The following CHD2 variants were observed in gnomAD, a reference collection of about 807,000 sequenced individuals.
CHD2 encodes the protein ATP-dependent chromatin remodeler CHD2.
A neutral mutation model predicts 243.9 loss-of-function variants in CHD2; 28 were observed. That is an observed-to-expected ratio of 0.11 (90% CI 0.09 to 0.16). CHD2 has a LOEUF of 0.16. Ranked by LOEUF, CHD2 falls within the 10% of genes least tolerant of loss-of-function variation. The pLI is 1.00. For missense variants in CHD2, 1,386 were observed against 2,209.8 expected, an observed-to-expected ratio of 0.63 and a Z score of 7.47; for synonymous variants, 775 against 779.0, an observed-to-expected ratio of 0.99 and a Z score of 0.09.
intron 8 of CHD2, among the ~76,000 whole-genome samples, chr15:92,942,355 A>G (rs144158189): frequency 1.9e-4 from 29 of 151,948 alleles, no homozygotes; most frequent in Non-Finnish European, 4.0e-4. Context: ...ATTAAAGTAA[A>G]CTTTCTGTAA....
intron 25 of CHD2, 96 bp from the exon 26 acceptor site, chr15:92,985,402 T>C: frequency 7.8e-7 from 1 of 1,280,698 alleles, no homozygotes; most frequent in African/African-American, 1.5e-5. Flanking sequence ...GGTGAGAAGT[T>C]CTGAATACTA....
At chr15:92,960,686 A>G (rs187604509) in intron 16 of CHD2, among the ~76,000 whole-genome samples, 1,161 of 78,684 alleles carry the variant, frequency 0.015, 53 homozygotes, top group Admixed American at 0.11. Context: ...TTTGTTAAAG[A>G]TTTTTGCATC....
chr15:92,943,203 C>T, intron 9 of CHD2, 135 bp downstream of exon 9: 2 of 673,620 alleles, frequency 3.0e-6, no homozygotes, highest in South Asian at 1.9e-5. Context: ...GAGCCATTTA[C>T]AATTCTATTT....
chr15:92,980,210 A>C (rs2053960894), intron 22 of CHD2, among the ~76,000 whole-genome samples: 2 of 122,078 alleles, frequency 1.6e-5, no homozygotes, highest in South Asian at 3.2e-4. Flanking sequence ...ACACCTAGCT[A>C]ATTTTTTTTT....
At chr15:92,904,380 C>G (rs1026959965) in intron 2 of CHD2, 57 of 924,836 alleles carry the variant, frequency 6.2e-5, no homozygotes, top group Non-Finnish European at 7.4e-5. Flanking sequence ...GCCTCCGCCC[C>G]GTGACGTCAG....
intron 2 of CHD2, chr15:92,902,495 G>A (rs2052542925): frequency 4.1e-6 from 1 of 244,362 alleles, no homozygotes; most frequent in South Asian, 1.8e-4. Flanking sequence ...TAGTGAATTT[G>A]AAAGTTTTGA....
chr15:92,945,707 T>G (rs2053456205), intron 10 of CHD2, 114 bp from the exon 11 acceptor site: 1 of 626,792 alleles, frequency 1.6e-6, no homozygotes, highest in South Asian at 3.0e-5. Context: ...TTTTTTTTTT[T>G]TCTTTTTTAA....
intron 5 of CHD2, among the ~76,000 whole-genome samples, chr15:92,936,312 T>C (rs2053266554): frequency 6.6e-6 from 1 of 152,236 alleles, no homozygotes; most frequent in African/African-American, 2.4e-5. Flanking sequence ...TTGTCTTTAG[T>C]ATGACCTCAT....
At chr15:92,954,624 T>G (rs1448629191) in intron 14 of CHD2, among the ~76,000 whole-genome samples, 1 of 152,166 alleles carries the variant, frequency 6.6e-6, no homozygotes. Flanking sequence ...AAAGAGAAAT[T>G]TATAGGTTTA....
intron 9 of CHD2, 90 bp from the exon 10 acceptor site, chr15:92,944,325 T>A (rs2053429278): frequency 1.6e-6 from 1 of 634,560 alleles, no homozygotes; most frequent in South Asian, 2.5e-5. Context: ...AAAAAATAGG[T>A]TTTCTTTTCC....
At chr15:92,915,036 ACT>A (rs2052808010) in intron 2 of CHD2, 1 of 151,914 alleles carries the variant, frequency 6.6e-6, no homozygotes, top group Admixed American at 6.6e-5. Context: ...AACATGAGTG[ACT>A]CTATTTTGGT....
rs187581449 is a variant in CHD2 at position 92,973,264 on chromosome 15, T to C, written c.2505+847T>C. Among the ~76,000 whole-genome samples the C allele has an allele frequency of 1.4e-4, 22 of 152,322 alleles. No homozygotes were observed. The East Asian group carries it at 3.7e-3, about 25-fold the overall frequency. ...TGGAGTTACTGTCTTCACACAGTTA[T>C]CTCCTATGGGGAAAATTTCTTCCGC... On this transcript the variant is annotated intron_variant, in intron 19 of 38. Coordinates refer to ENST00000394196, the MANE Select transcript of CHD2 (RefSeq NM_001271.4).
rs925313206 is a variant in CHD2, at chr15:93,003,669, C to T, written c.4279-948C>T. On this transcript the variant is annotated intron_variant, in intron 33 of 38. Transcript: ENST00000394196. Reference sequence around the variant, plus strand: ...ATGACTGATACTGTTGAAGCTGCCCCCTGTTCCCTTTCCCTGATTTTATTA... The same window carrying T: ...ATGACTGATACTGTTGAAGCTGCCCTCTGTTCCCTTTCCCTGATTTTATTA... Among the ~76,000 whole-genome samples the T allele has an allele frequency of 5.3e-5, 8 of 151,660 alleles. No homozygotes were observed. In the East Asian group the frequency reaches 1.2e-3, roughly 22 times the overall value.
At chr15:93,019,055 A>T (rs1291792171) in intron 37 of CHD2, among the ~76,000 whole-genome samples, 1 of 152,228 alleles carries the variant, frequency 6.6e-6, no homozygotes, top group Non-Finnish European at 1.5e-5. Flanking sequence ...AAGGCTACAG[A>T]AGTTAAAAGG....
chr15:92,971,895 A>T lies in CHD2; in HGVS notation c.2320A>T (p.Asn774Tyr), dbSNP rs1435211090. The T allele has an allele frequency of 6.2e-6, 10 of 1,612,446 alleles. No individual in the cohort carries two copies. The highest frequency in any genetic ancestry group is 8.5e-6 in the Non-Finnish European group (10 of 1,179,488). ...HCYLIKPPEE[N>Y]ERENGQEILL... ...CTATCTGATTAAACCCCCTGAAGAA[A>T]ATGAAAGGGAAAATGGACAGGAGAT... Residue 774 changes from asparagine (N) to tyrosine (Y), a missense_variant, in exon 18 of 39, where the codon AAT becomes TAT. Coordinates refer to ENST00000394196, the MANE Select transcript of CHD2 (RefSeq NM_001271.4).
intron 33 of CHD2, among the ~76,000 whole-genome samples, chr15:93,003,193 G>A (rs2054278640): frequency 6.6e-6 from 1 of 151,806 alleles, no homozygotes; most frequent in Non-Finnish European, 1.5e-5. Flanking sequence ...GCAGAGGTGA[G>A]AGGATTGCTT....
chr15:92,946,482 A>T, intron 12 of CHD2: 1 of 247,880 alleles, frequency 4.0e-6, no homozygotes, highest in Non-Finnish European at 7.6e-6. Context: ...CTTTTATTTT[A>T]TTTTATTTTA....
rs2053117574 is a variant in CHD2 at position 92,929,098 on chromosome 15, C to T, written c.443+7C>T. On this transcript the variant is annotated splice_region_variant and intron_variant, in intron 5 of 38. Coordinates refer to ENST00000394196, the MANE Select transcript of CHD2 (RefSeq NM_001271.4). The stretch of plus-strand genomic sequence containing the variant: ...AGAGGCAGCTGAAAAAACAGTAAGT[C>T]TTTCATGGGGGAAATTATTCAATCT... 2 of 1,600,098 alleles carry T rather than the reference C, an allele frequency of 1.2e-6. No individual in the cohort carries two copies. Among genetic ancestry groups the T allele is most frequent in the Non-Finnish European group, 1.7e-6 (2 of 1,171,604 alleles).
chr15:92,942,865 A>T lies in CHD2; in HGVS notation c.849A>T (p.Val283=). ...KKGATGASTT[V]YAIEANGDPS... is the part of the protein sequence containing the mutation. ...CAGCCACTGGAGCATCTACTACTGT[A>T]TATGCGATTGAAGCTAATGGCGACC... Residue 283 remains valine, a synonymous_variant, in exon 9 of 39, where the codon GTA becomes GTT. Coordinates refer to ENST00000394196, the MANE Select transcript of CHD2 (RefSeq NM_001271.4). The T allele has an allele frequency of 6.2e-6, 10 of 1,613,552 alleles. No individual in the cohort carries two copies. The highest frequency in any genetic ancestry group is 7.6e-6 in the Non-Finnish European group (9 of 1,179,804).
Sources: gnomAD v4.1 joint callset for allele counts (sites outside exome capture counted in the v4.1 genomes callset) on GRCh38, gnomAD v4.1.1 for gene constraint, MANE v1.5 for transcripts, NCBI Gene and HGNC (gene_info 2026-07-23, HGNC 2026-07-21) for gene names.